Variants in LRRTM4 observed in about 807,000 individuals in gnomAD.
The protein encoded by LRRTM4 is leucine-rich repeat transmembrane neuronal protein 4.
Under a neutral mutation model 47.6 loss-of-function variants are expected in LRRTM4, and 25 were observed. The ratio of observed to expected loss-of-function variants is 0.53; its 90% confidence interval spans 0.38 to 0.73. The LOEUF (loss-of-function observed/expected upper bound fraction) is 0.73. Ranked by LOEUF, LRRTM4 falls within the 30% of genes least tolerant of loss-of-function variation. LRRTM4 has a pLI of 0.00. For missense variants in LRRTM4, 638 were observed against 713.4 expected (o/e 0.89, Z 1.20); for synonymous variants, 311 against 269.5 (o/e 1.15, Z -1.51).
intron 3 of LRRTM4, among the ~76,000 whole-genome samples, chr2:77,078,733 A>C (rs1227571633): frequency 6.6e-6 from 1 of 152,216 alleles, no homozygotes; most frequent in African/African-American, 2.4e-5. Flanking sequence ...AAATATGTAC[A>C]AACTTCTGTT....
chr2:76,939,577 C>T (rs1304359349), intron 3 of LRRTM4, among the ~76,000 whole-genome samples: 3 of 151,420 alleles, frequency 2.0e-5, no homozygotes, highest in African/African-American at 4.9e-5. Flanking sequence ...TATCTAGTGG[C>T]CCATCTTAGT....
intron 3 of LRRTM4, among the ~76,000 whole-genome samples, chr2:76,971,999 C>T (rs1324098542): frequency 6.6e-6 from 1 of 151,990 alleles, no homozygotes; most frequent in Non-Finnish European, 1.5e-5. Context: ...GAGCAGAAGC[C>T]TTTATTGTGG....
intron 3 of LRRTM4, among the ~76,000 whole-genome samples, chr2:76,836,092 C>T (rs1033712826): frequency 4.6e-5 from 7 of 151,400 alleles, no homozygotes; most frequent in East Asian, 3.9e-4. Context: ...TGACTCTCTT[C>T]CTTGCCCAGG....
chr2:77,452,595 C>G (rs1206474401), intron 3 of LRRTM4, among the ~76,000 whole-genome samples: 1 of 152,226 alleles, frequency 6.6e-6, no homozygotes, highest in South Asian at 2.1e-4. Context: ...GCACGTGACA[C>G]AGGGTCCTGA....
intron 3 of LRRTM4, among the ~76,000 whole-genome samples, chr2:77,094,348 T>C (rs1035376183): frequency 6.6e-6 from 1 of 152,160 alleles, no homozygotes; most frequent in African/African-American, 2.4e-5. Context: ...TTAAAATGTC[T>C]ATAATTTCAG....
intron 3 of LRRTM4, among the ~76,000 whole-genome samples, chr2:77,125,372 G>A (rs771502642): frequency 4.6e-5 from 7 of 152,308 alleles, no homozygotes; most frequent in Non-Finnish European, 8.8e-5. Context: ...AGGTGCACAT[G>A]AGTACAGTCC....
intron 3 of LRRTM4, among the ~76,000 whole-genome samples, chr2:76,943,898 T>A: frequency 6.6e-6 from 1 of 152,224 alleles, no homozygotes; most frequent in East Asian, 1.9e-4. Flanking sequence ...ATCTTGTGTA[T>A]CTGGCCATAT....
chr2:77,124,634 T>C (rs1360969792), intron 3 of LRRTM4, among the ~76,000 whole-genome samples: 1 of 152,168 alleles, frequency 6.6e-6, no homozygotes, highest in Non-Finnish European at 1.5e-5. Flanking sequence ...TTTGATTAAA[T>C]TGGCAATATT....
At chr2:77,496,299 T>A (rs1363708504) in intron 3 of LRRTM4, among the ~76,000 whole-genome samples, 2 of 151,902 alleles carry the variant, frequency 1.3e-5, no homozygotes, top group African/African-American at 4.8e-5. Context: ...CATTTTTCTC[T>A]AATCTCTATG....
At chr2:77,277,612 G>C (rs1221099337) in intron 3 of LRRTM4, among the ~76,000 whole-genome samples, 1 of 152,012 alleles carries the variant, frequency 6.6e-6, no homozygotes, top group Non-Finnish European at 1.5e-5. Context: ...CTGGAGAATG[G>C]TAATTTGGAT....
At chr2:77,068,254 T>G (rs1463363596) in intron 3 of LRRTM4, among the ~76,000 whole-genome samples, 2 of 152,208 alleles carry the variant, frequency 1.3e-5, no homozygotes, top group Non-Finnish European at 1.5e-5. Context: ...AGCTAGAAAC[T>G]TGTAAGTTGT....
intron 3 of LRRTM4, among the ~76,000 whole-genome samples, chr2:77,360,563 TAC>T (rs1558706394): frequency 1.3e-5 from 2 of 149,074 alleles, no homozygotes; most frequent in East Asian, 3.9e-4. Flanking sequence ...CATACATACA[TAC>T]ATACATACAT....
At chr2:76,857,669 T>C (rs939396868) in intron 3 of LRRTM4, among the ~76,000 whole-genome samples, 1 of 152,180 alleles carries the variant, frequency 6.6e-6, no homozygotes, top group Non-Finnish European at 1.5e-5. Context: ...TTTATACTGA[T>C]AGTGGTGATT....
chr2:77,513,600 G>A (rs892480143), intron 3 of LRRTM4, among the ~76,000 whole-genome samples: 1 of 151,806 alleles, frequency 6.6e-6, no homozygotes, highest in Non-Finnish European at 1.5e-5. Flanking sequence ...GATGAGTCTT[G>A]TTCTGTTGCC....
intron 3 of LRRTM4, among the ~76,000 whole-genome samples, chr2:76,993,793 A>T (rs1044213827): frequency 6.6e-6 from 1 of 151,944 alleles, no homozygotes; most frequent in African/African-American, 2.4e-5. Context: ...TACCAAAAAG[A>T]CACACGCCCT....
intron 3 of LRRTM4, among the ~76,000 whole-genome samples, chr2:76,909,119 C>G (rs1332179089): frequency 2.0e-5 from 3 of 152,172 alleles, no homozygotes; most frequent in Non-Finnish European, 2.9e-5. Context: ...GTAACCAAAA[C>G]AGCATGGCAC....
In LRRTM4 at chr2:77,256,696, C is replaced by T. The variant is rs187961375; in HGVS notation, c.1551+261622G>A. Among the ~76,000 whole-genome samples the T allele has an allele frequency of 2.1e-3, 324 of 152,252 alleles. 1 individual carries two copies. Among genetic ancestry groups the T allele is most frequent in the African/African-American group, 7.4e-3 (307 of 41,562 alleles). ...CATGTGAAACTGTGAGTCAATAAAA[C>T]CTCTTTCTTTTATAAATTACTCAGT... On this transcript the variant is annotated intron_variant, in intron 3 of 3. Coordinates refer to ENST00000409884, the MANE Select transcript of LRRTM4 (RefSeq NM_001134745.3).
At chr2:77,091,102 G>A (rs1379352285) in intron 3 of LRRTM4, among the ~76,000 whole-genome samples, 8 of 151,804 alleles carry the variant, frequency 5.3e-5, no homozygotes, top group Non-Finnish European at 8.8e-5. Flanking sequence ...CTCCTTTTTA[G>A]TTATCCCCAC....
intron 3 of LRRTM4, among the ~76,000 whole-genome samples, chr2:76,784,981 G>A (rs903361124): frequency 1.3e-5 from 2 of 151,954 alleles, no homozygotes; most frequent in Admixed American, 6.6e-5. Flanking sequence ...CACCAATTTA[G>A]GACTTTCATT....
Sources: gnomAD v4.1 joint callset for allele counts (sites outside exome capture counted in the v4.1 genomes callset) on GRCh38, gnomAD v4.1.1 for gene constraint, MANE v1.5 for transcripts, NCBI Gene and HGNC (gene_info 2026-07-23, HGNC 2026-07-21) for gene names.